SIPA1L1: variants seen among roughly 807,000 people sequenced by gnomAD.
SIPA1L1 encodes signal-induced proliferation-associated 1-like protein 1.
Under a neutral mutation model 162.7 loss-of-function variants are expected in SIPA1L1, and 26 were observed. The ratio of observed to expected loss-of-function variants is 0.16; its 90% CI spans 0.12 to 0.22. The LOEUF (loss-of-function observed/expected upper bound fraction) is 0.22. Among genes scored for constraint, SIPA1L1 ranks in the 10% least tolerant of loss-of-function variants. The probability of loss-of-function intolerance (pLI) is 1.00; values close to 1 mark genes in which losing one functional copy is unlikely to be tolerated. For synonymous variants in SIPA1L1, 829 were observed against 837.4 expected (o/e 0.99, Z 0.17); for missense variants, 1,874 against 2,241.0 (o/e 0.84, Z 3.31).
chr14:71,397,059 G>A (rs747145994), intron 2 of SIPA1L1, among the ~76,000 whole-genome samples: 2 of 152,188 alleles, frequency 1.3e-5, no homozygotes, highest in Non-Finnish European at 2.9e-5. Flanking sequence ...GTGGCTAATG[G>A]ATGATTCTGA....
At position 71,344,689 on chromosome 14, in the gene SIPA1L1, T is replaced by A. The variant is rs538742453; in HGVS notation, c.-465+23508T>A. ...ATCCTCTCACTTCAGCTTCCTGAGT[T>A]GCTGGGACTGTAGGTGTGCGCCACT... On this transcript the variant is annotated intron_variant, in intron 2 of 23. Coordinates refer to ENST00000381232, the MANE Select transcript of SIPA1L1 (RefSeq NM_001386936.1). Among the ~76,000 whole-genome samples, 7 of 152,278 alleles carry A rather than the reference T, an allele frequency of 4.6e-5. No individual in the cohort carries two copies. In the South Asian group the frequency reaches 1.4e-3, roughly 32 times the overall value.
intron 2 of SIPA1L1, among the ~76,000 whole-genome samples, chr14:71,489,879 G>A (rs2049095253): frequency 6.6e-6 from 1 of 152,144 alleles, no homozygotes; most frequent in South Asian, 2.1e-4. Flanking sequence ...GGTAAGACTA[G>A]TGGCAGCTCT....
At chr14:71,652,082 C>T (rs1338049120) in intron 8 of SIPA1L1, among the ~76,000 whole-genome samples, 9 of 151,582 alleles carry the variant, frequency 5.9e-5, no homozygotes, top group Non-Finnish European at 1.3e-4. Context: ...TCCTTCTGTC[C>T]TTTTAAAATG....
intron 10 of SIPA1L1, among the ~76,000 whole-genome samples, chr14:71,665,631 C>T (rs1380266720): frequency 6.6e-6 from 1 of 152,180 alleles, no homozygotes; most frequent in Non-Finnish European, 1.5e-5. Flanking sequence ...AAACTATTCA[C>T]ATCAAAGATA....
At chr14:71,387,820 G>A (rs1452933520) in intron 2 of SIPA1L1, among the ~76,000 whole-genome samples, 4 of 152,112 alleles carry the variant, frequency 2.6e-5, no homozygotes, top group Non-Finnish European at 4.4e-5. Flanking sequence ...TGTCTTTCTT[G>A]TTTCTTGAGC....
At chr14:71,456,484 T>C (rs1459419072) in intron 2 of SIPA1L1, among the ~76,000 whole-genome samples, 2 of 152,258 alleles carry the variant, frequency 1.3e-5, no homozygotes, top group East Asian at 1.9e-4. Context: ...TGGTATGTTT[T>C]ATGAATCCAG....
At chr14:71,672,705 G>GAGT in intron 12 of SIPA1L1, 83 bp downstream of exon 12, 1 of 1,433,886 alleles carries the variant, frequency 7.0e-7, no homozygotes, top group Non-Finnish European at 9.5e-7. Flanking sequence ...GCAGGTAGTG[G>GAGT]AGTAGGGTGT....
intron 6 of SIPA1L1, among the ~76,000 whole-genome samples, chr14:71,620,877 C>T (rs900112223): frequency 4.6e-5 from 7 of 152,174 alleles, no homozygotes; most frequent in African/African-American, 1.7e-4. Flanking sequence ...TAAGCTGTGT[C>T]CCTTGGGTCT....
intron 6 of SIPA1L1, among the ~76,000 whole-genome samples, chr14:71,622,303 G>C (rs1567332764): frequency 6.6e-6 from 1 of 152,228 alleles, no homozygotes; most frequent in Non-Finnish European, 1.5e-5. Flanking sequence ...TGGCATGTGA[G>C]TGTTTTTAAG....
intron 4 of SIPA1L1, among the ~76,000 whole-genome samples, chr14:71,542,288 TTCCTCTTCTCCTCTTCCTCCTCC>T (rs2054464465): frequency 6.7e-6 from 1 of 148,636 alleles, no homozygotes; most frequent in African/African-American, 2.5e-5. Flanking sequence ...TCCTCTCCTC[TTCCTCTTCTCCTCTTCCTCCTCC>T]TCCTCTTCCT....
chr14:71,566,604 T>C (rs937573932), intron 4 of SIPA1L1, among the ~76,000 whole-genome samples: 1 of 152,228 alleles, frequency 6.6e-6, no homozygotes, highest in Non-Finnish European at 1.5e-5. Context: ...TGACATTGTA[T>C]ACAAGTCAGT....
intron 2 of SIPA1L1, among the ~76,000 whole-genome samples, chr14:71,439,619 A>T (rs1021777867): frequency 1.2e-4 from 18 of 152,248 alleles, no homozygotes; most frequent in African/African-American, 4.1e-4. Flanking sequence ...AGGAGAAAAG[A>T]ATATTAAAGT....
Position 71,446,894 on chromosome 14 carries a change from G to GT in SIPA1L1, c.-464-65838dup, listed in dbSNP as rs765106790. On this transcript the variant is annotated intron_variant, in intron 2 of 23. Transcript: ENST00000381232. ...CTGCAAATAAAGAGAGATGGGCTCT[G>GT]TTTTTTTTTTTGTTTTTTTTTTTTT... is the stretch of plus-strand genomic sequence containing the variant. Among the ~76,000 whole-genome samples the GT allele has an allele frequency of 8.0e-3, 697 of 87,320 alleles. 38 individuals carry two copies. Among genetic ancestry groups the GT allele is most frequent in the Non-Finnish European group, 0.011 (515 of 46,738 alleles). The allele number at this position is 87,320 out of a possible 152,430, so 57.3% of individuals were successfully genotyped here. A position where few individuals can be genotyped will look rare whatever the true frequency, so the allele number is the denominator to read the frequency against.
chr14:71,724,899 C>T lies in SIPA1L1; in HGVS notation c.4614+64C>T. 4.2e-6 allele frequency: 6 copies of T among 1,426,416 alleles called. No homozygotes were observed. In the South Asian group the frequency reaches 7.5e-5, roughly 18 times the overall value. The allele number at this position is 1,426,416 out of a possible 1,614,324, so 88.4% of individuals were successfully genotyped here. ...AAGCCAGACATGATGGGGCTATTAA[C>T]CATAGTCACACTTTCCAGAAAGTGT... On this transcript the variant is annotated intron_variant, in intron 19 of 23. Coordinates refer to ENST00000381232, the MANE Select transcript of SIPA1L1 (RefSeq NM_001386936.1).
chr14:71,739,034 C>G lies in SIPA1L1; in HGVS notation c.5225C>G (p.Ala1742Gly), dbSNP rs1483791692. 6.2e-7 allele frequency: 1 copy of G among 1,613,512 alleles called. No homozygotes were observed. Among genetic ancestry groups the G allele is most frequent in the Non-Finnish European group, 8.5e-7 (1 of 1,179,666 alleles). ...GCCTCCCAGGAAAAAGAAGACAAAG[C>G]TCACCTTCAGGCGGAGGTGCAGCAC... is the stretch of plus-strand genomic sequence containing the variant. The part of the protein sequence containing the change: ...EDLKKEKEDK[A>G]HLQAEVQHLR... Residue 1742 changes from alanine (A) to glycine (G), a missense_variant, in exon 24 of 24, where the codon GCT becomes GGT. This residue lies in a region of SIPA1L1 where 936 missense variants were observed against 1,051.9 expected (regional missense o/e 0.89). Coordinates refer to ENST00000381232, the MANE Select transcript of SIPA1L1 (RefSeq NM_001386936.1).
intron 2 of SIPA1L1, among the ~76,000 whole-genome samples, chr14:71,346,833 C>T (rs536739266): frequency 1.6e-4 from 24 of 152,260 alleles, no homozygotes; most frequent in African/African-American, 3.9e-4. Flanking sequence ...ATTTCATGCA[C>T]GTTAGTTATC....
chr14:71,694,222 A>G (rs1349213136), intron 13 of SIPA1L1, among the ~76,000 whole-genome samples: 1 of 151,872 alleles, frequency 6.6e-6, no homozygotes, highest in Non-Finnish European at 1.5e-5. Flanking sequence ...TGTGTTAGAA[A>G]TCCGTGTGTG....
chr14:71,731,264 A>G (rs1192356851), intron 20 of SIPA1L1, among the ~76,000 whole-genome samples: 1 of 151,820 alleles, frequency 6.6e-6, no homozygotes, highest in Admixed American at 6.6e-5. Context: ...TGTCCTACTC[A>G]CTGTTCAGCA....
At chr14:71,577,331 A>T (rs931807154) in intron 4 of SIPA1L1, among the ~76,000 whole-genome samples, 2 of 151,802 alleles carry the variant, frequency 1.3e-5, no homozygotes, top group Non-Finnish European at 2.9e-5. Context: ...TAAATTTTGT[A>T]ACCACTAGCC....
Sources: allele counts gnomAD v4.1 joint callset (sites outside exome capture counted in the v4.1 genomes callset), GRCh38; gene constraint gnomAD v4.1.1; regional missense constraint gnomAD v4.1.1; transcripts MANE v1.5; gene names NCBI Gene and HGNC (gene_info 2026-07-23, HGNC 2026-07-21).